Variants in SUSD6 observed in about 807,000 individuals in gnomAD.
SUSD6 encodes the protein sushi domain containing 6.
Under a neutral mutation model 28.4 loss-of-function variants are expected in SUSD6, and 16 were observed. The observed-to-expected ratio is 0.56, with a 90% confidence interval of 0.38 to 0.86. The LOEUF (loss-of-function observed/expected upper bound fraction) is 0.86, where lower values mean the gene tolerates loss of function less well. Among genes scored for constraint, SUSD6 ranks in the 40% least tolerant of loss-of-function variants. SUSD6 has a pLI of 0.00. For synonymous variants in SUSD6, 147 were observed against 159.6 expected (o/e 0.92, Z 0.59); for missense variants, 341 against 384.2 (o/e 0.89, Z 0.94).
chr14:69,671,555 C>T (rs917428757), intron 2 of SUSD6, among the ~76,000 whole-genome samples: 1 of 152,122 alleles, frequency 6.6e-6, no homozygotes, highest in African/African-American at 2.4e-5. Context: ...TCTTATCTGG[C>T]GTCACAAATT....
chr14:69,621,975 TAGG>T (rs1407962317), intron 1 of SUSD6, among the ~76,000 whole-genome samples: 4 of 152,176 alleles, frequency 2.6e-5, no homozygotes, highest in Non-Finnish European at 5.9e-5. Flanking sequence ...GTGAAGGTAT[TAGG>T]AGGCTAATGT....
chr14:69,683,186 T>C (rs1323221692), intron 2 of SUSD6, among the ~76,000 whole-genome samples: 1 of 152,086 alleles, frequency 6.6e-6, no homozygotes, highest in African/African-American at 2.4e-5. Context: ...GACTGGGGTC[T>C]GGAATGGGGT....
At chr14:69,618,714 G>A (rs1884994077) in intron 1 of SUSD6, among the ~76,000 whole-genome samples, 2 of 152,214 alleles carry the variant, frequency 1.3e-5, no homozygotes, top group African/African-American at 4.8e-5. Context: ...TGTGAATGCA[G>A]CCATAACTTC....
intron 2 of SUSD6, among the ~76,000 whole-genome samples, chr14:69,678,372 C>CA (rs1456275601): frequency 6.7e-6 from 1 of 149,598 alleles, no homozygotes; most frequent in Non-Finnish European, 1.5e-5. Context: ...TTATTGATTA[C>CA]AAACTATAGT....
chr14:69,631,583 A>G (rs770913262), intron 1 of SUSD6, among the ~76,000 whole-genome samples: 5 of 152,162 alleles, frequency 3.3e-5, no homozygotes, highest in Non-Finnish European at 7.3e-5. Flanking sequence ...TTAGATGTAA[A>G]ATGCTTACAT....
rs148892524 is a variant in SUSD6 at position 69,694,705 on chromosome 14, A to T, written c.122-8690A>T. On this transcript the variant is annotated intron_variant, in intron 2 of 5. Transcript: ENST00000342745. ...AAACATGAAAACTCCAGGTGACAGGAGTTTTTATGTTTGAGGCAGGGTGCA... is the reference window on the plus strand; with the variant it reads ...AAACATGAAAACTCCAGGTGACAGGTGTTTTTATGTTTGAGGCAGGGTGCA... 1.2e-4 allele frequency among the ~76,000 whole-genome samples: 19 copies of T among 152,224 alleles called. No homozygotes were observed. The East Asian group carries it at 3.7e-3, about 29-fold the overall frequency.
intron 2 of SUSD6, among the ~76,000 whole-genome samples, chr14:69,703,132 G>A (rs963429886): frequency 2.6e-5 from 4 of 152,112 alleles, no homozygotes; most frequent in African/African-American, 4.8e-5. Context: ...AGAGTCTGCC[G>A]TTCATTTATG....
intron 1 of SUSD6, among the ~76,000 whole-genome samples, chr14:69,642,496 G>A (rs1417235742): frequency 6.6e-6 from 1 of 152,188 alleles, no homozygotes; most frequent in Non-Finnish European, 1.5e-5. Context: ...ATGGCAGGAA[G>A]TGAAAGGCAC....
In SUSD6 at chr14:69,708,694, C is replaced by G. The variant is rs957962134; in HGVS notation, c.476C>G (p.Ser159Cys). The G allele has an allele frequency of 2.5e-6, 4 of 1,582,834 alleles. No homozygotes were observed. In the African/African-American group the frequency reaches 5.4e-5, roughly 21 times the overall value. Residue 159 changes from serine to cysteine, a missense_variant, in exon 5 of 6, where the codon TCT becomes TGT. Transcript: ENST00000342745. ...CACTCCAGGCGTGACCAGGGGGTATCTGGGGACCAGGTCTCCATCATGGTG... is the reference window on the plus strand; with the variant it reads ...CACTCCAGGCGTGACCAGGGGGTATGTGGGGACCAGGTCTCCATCATGGTG... ...FHHSRRDQGV[S>C]GDQVSIMVDG...
rs1453995574 is a variant in SUSD6, at chr14:69,711,442, AG to A, written c.*468del. ...GCTGCACTGCTGCCCCCTGCCACAC[AG>A]GGGGCCGGGCCTGGGTCTGTCCTGT... On this transcript the variant is annotated 3_prime_UTR_variant, in exon 6 of 6. Coordinates refer to ENST00000342745, the MANE Select transcript of SUSD6 (RefSeq NM_014734.4). 2 of 168,102 alleles carry A rather than the reference AG, an allele frequency of 1.2e-5. No homozygotes were observed. The highest frequency in any genetic ancestry group is 2.6e-5 in the Non-Finnish European group (2 of 77,442). 10.4% of individuals were successfully genotyped at this position (168,102 alleles called of 1,614,324 possible).
intron 2 of SUSD6, among the ~76,000 whole-genome samples, chr14:69,676,270 A>C (rs938345921): frequency 6.6e-6 from 1 of 152,038 alleles, no homozygotes; most frequent in Non-Finnish European, 1.5e-5. Context: ...CTATATGACT[A>C]CCTCAGACTC....
Position 69,621,213 on chromosome 14 carries a change from A to G in SUSD6, c.-81+9385A>G, listed in dbSNP as rs114348825. 1.7e-3 allele frequency among the ~76,000 whole-genome samples: 263 copies of G among 152,284 alleles called. 1 individual carries two copies. The highest frequency in any genetic ancestry group is 5.9e-3 in the African/African-American group (246 of 41,556). ...ATAAATGATTGACCAGGTGTAGGGG[A>G]TTAAAATAACAAGTATAGGAGGGCA... On this transcript the variant is annotated intron_variant, in intron 1 of 5. Transcript: ENST00000342745.
At chr14:69,615,356 T>C (rs1195875731) in intron 1 of SUSD6, among the ~76,000 whole-genome samples, 1 of 152,192 alleles carries the variant, frequency 6.6e-6, no homozygotes, top group East Asian at 1.9e-4. Flanking sequence ...TGGATGAGTG[T>C]AAGTTTGTGT....
chr14:69,654,703 A>G (rs74060255), intron 1 of SUSD6, among the ~76,000 whole-genome samples: 1 of 151,352 alleles, frequency 6.6e-6, no homozygotes, highest in South Asian at 2.1e-4. Flanking sequence ...GCAGTTAAAA[A>G]TTTTTTTTCT....
intron 2 of SUSD6, among the ~76,000 whole-genome samples, chr14:69,659,489 A>G (rs868806198): frequency 6.6e-6 from 1 of 152,126 alleles, no homozygotes; most frequent in Non-Finnish European, 1.5e-5. Flanking sequence ...GGGGCTAGAC[A>G]TGCCCCATTG....
intron 1 of SUSD6, among the ~76,000 whole-genome samples, chr14:69,648,220 A>C (rs1885455479): frequency 2.0e-5 from 3 of 152,238 alleles, no homozygotes; most frequent in Non-Finnish European, 4.4e-5. Flanking sequence ...GGCATTATTA[A>C]GTACCATTTT....
In SUSD6 at chr14:69,658,498, G is replaced by T; in HGVS notation, c.-80-15G>T. Reference sequence around the variant, plus strand: ...GCTGAAGTTTTCACTTTATGTCCTTGTTTGTTTGTTACAGGTGAATCAGCT... The same window carrying T: ...GCTGAAGTTTTCACTTTATGTCCTTTTTTGTTTGTTACAGGTGAATCAGCT... On this transcript the variant is annotated splice_polypyrimidine_tract_variant and intron_variant, in intron 1 of 5. Coordinates refer to ENST00000342745, the MANE Select transcript of SUSD6 (RefSeq NM_014734.4). 4 of 1,335,576 alleles carry T rather than the reference G, an allele frequency of 3.0e-6. No individual in the cohort carries two copies. Among genetic ancestry groups the T allele is most frequent in the Non-Finnish European group, 4.2e-6 (4 of 962,078 alleles). 82.7% of individuals were successfully genotyped at this position (1,335,576 alleles called of 1,614,324 possible). A position where few individuals can be genotyped will look rare whatever the true frequency, so the allele number is the denominator to read the frequency against.
At chr14:69,673,997 G>A (rs781086831) in intron 2 of SUSD6, among the ~76,000 whole-genome samples, 7 of 152,172 alleles carry the variant, frequency 4.6e-5, no homozygotes, top group South Asian at 4.1e-4. Flanking sequence ...TATTTTTTCC[G>A]TGTATGAGAA....
chr14:69,654,325 A>C (rs1223475988), intron 1 of SUSD6, among the ~76,000 whole-genome samples: 1 of 152,202 alleles, frequency 6.6e-6, no homozygotes, highest in Non-Finnish European at 1.5e-5. Context: ...CGAGTTGAGT[A>C]ATTCACTGTC....
Sources: allele counts gnomAD v4.1 joint callset (sites outside exome capture counted in the v4.1 genomes callset), GRCh38; gene constraint gnomAD v4.1.1; transcripts MANE v1.5; gene names NCBI Gene and HGNC (gene_info 2026-07-23, HGNC 2026-07-21).